The following MITF variants were observed in gnomAD, a reference collection of about 807,000 sequenced individuals.
The protein encoded by MITF is melanocyte inducing transcription factor.
In MITF, 17 loss-of-function variants were observed where a neutral mutation model predicts 60.5. That is an observed-to-expected ratio of 0.28 (90% CI 0.19 to 0.42). The LOEUF (loss-of-function observed/expected upper bound fraction) is 0.42. Ranked by LOEUF, MITF falls within the 10% of genes least tolerant of loss-of-function variation. The pLI, the probability that MITF is intolerant of heterozygous loss-of-function variation, is 1.00. For synonymous variants in MITF, 260 were observed against 248.5 expected, an observed-to-expected ratio of 1.05 and a Z score of -0.43; for missense variants, 622 against 683.5, an observed-to-expected ratio of 0.91 and a Z score of 1.00.
chr3:69,944,275 C>T (rs1318239177), intron 5 of MITF, among the ~76,000 whole-genome samples: 1 of 151,968 alleles, frequency 6.6e-6, no homozygotes, highest in Non-Finnish European at 1.5e-5. Context: ...GCTGTGGATG[C>T]GAAGGTGACT....
intron 1 of MITF, among the ~76,000 whole-genome samples, chr3:69,786,900 A>G (rs1402431744): frequency 2.0e-5 from 3 of 152,186 alleles, no homozygotes; most frequent in African/African-American, 7.2e-5. Context: ...TGCTTTGAGT[A>G]TCATGGTTGG....
chr3:69,797,357 A>G (rs974314980), intron 1 of MITF, among the ~76,000 whole-genome samples: 1 of 152,130 alleles, frequency 6.6e-6, no homozygotes, highest in East Asian at 1.9e-4. Flanking sequence ...ATGAAGACTT[A>G]TTATAGCATC....
chr3:69,817,799 G>A (rs1284075277), intron 1 of MITF, among the ~76,000 whole-genome samples: 1 of 152,126 alleles, frequency 6.6e-6, no homozygotes, highest in Non-Finnish European at 1.5e-5. Flanking sequence ...TAATGTACAA[G>A]TTGGTAATGG....
At chr3:69,831,897 G>A (rs1444262914) in intron 1 of MITF, among the ~76,000 whole-genome samples, 4 of 152,130 alleles carry the variant, frequency 2.6e-5, no homozygotes, top group African/African-American at 4.8e-5. Context: ...GTGGTGGAAC[G>A]GTGCCCGAGG....
chr3:69,954,680 T>G (rs1034821849), intron 7 of MITF, among the ~76,000 whole-genome samples: 1 of 152,208 alleles, frequency 6.6e-6, no homozygotes, highest in African/African-American at 2.4e-5. Flanking sequence ...TTCAGAGTTT[T>G]GGGGAAGGTT....
intron 1 of MITF, among the ~76,000 whole-genome samples, chr3:69,780,667 T>C (rs1026343853): frequency 3.3e-5 from 5 of 152,182 alleles, no homozygotes; most frequent in Admixed American, 1.3e-4. Context: ...CTCCGTTGGT[T>C]TCAGGACCTC....
intron 1 of MITF, among the ~76,000 whole-genome samples, chr3:69,796,494 C>CTTT (rs767834091): frequency 1.0e-3 from 82 of 80,294 alleles, no homozygotes; most frequent in East Asian, 1.4e-3. Context: ...CACCGTCTTT[C>CTTT]TTTTTTTTTT....
intron 1 of MITF, among the ~76,000 whole-genome samples, chr3:69,854,118 G>A (rs980447144): frequency 6.6e-6 from 1 of 152,048 alleles, no homozygotes. Flanking sequence ...AAAGTGCTGG[G>A]ATTACAGGCG....
chr3:69,940,402 G>A (rs996279213), intron 4 of MITF, among the ~76,000 whole-genome samples: 3 of 152,210 alleles, frequency 2.0e-5, no homozygotes, highest in African/African-American at 7.2e-5. Context: ...ATGAAGAAAT[G>A]TTTTCACAGG....
intron 1 of MITF, among the ~76,000 whole-genome samples, chr3:69,791,376 T>G (rs1482250390): frequency 6.6e-6 from 1 of 152,162 alleles, no homozygotes; most frequent in Non-Finnish European, 1.5e-5. Flanking sequence ...GGTGGTGGTT[T>G]GAGTGTCATA....
chr3:69,904,140 T>C lies in MITF; in HGVS notation c.354+24757T>C, dbSNP rs79250093. On this transcript the variant is annotated intron_variant, in intron 2 of 9. Coordinates refer to ENST00000352241, the MANE Select transcript of MITF (RefSeq NM_001354604.2). The stretch of plus-strand genomic sequence containing the variant: ...CATAATTTTTTTATTAATTATTGCC[T>C]CCCTTTGCACTCTCTGGGATTTCCA... Among the ~76,000 whole-genome samples the C allele has an allele frequency of 1.6e-3, 241 of 152,206 alleles. 3 individuals are homozygous for C. The East Asian group carries it at 0.027, about 17-fold the overall frequency.
intron 1 of MITF, among the ~76,000 whole-genome samples, chr3:69,752,837 T>C (rs1280141986): frequency 2.0e-5 from 3 of 151,986 alleles, no homozygotes; most frequent in African/African-American, 7.3e-5. Flanking sequence ...TCATTCTCTC[T>C]TGCTGCTGCT....
At chr3:69,895,832 GTGTGTGTGTGTGTGTGTA>G (rs2064863310) in intron 2 of MITF, among the ~76,000 whole-genome samples, 1 of 151,120 alleles carries the variant, frequency 6.6e-6, no homozygotes, top group Non-Finnish European at 1.5e-5. Context: ...GTGTGTGTGT[GTGTGTGTGTGTGTGTGTA>G]TGTGTGTGTT....
Position 69,893,650 on chromosome 3 carries a change from A to G in MITF, c.354+14267A>G, listed in dbSNP as rs927353656. Among the ~76,000 whole-genome samples, 2 of 152,230 alleles carry G rather than the reference A, an allele frequency of 1.3e-5. 1 individual carries two copies. On this transcript the variant is annotated intron_variant, in intron 2 of 9. Coordinates refer to ENST00000352241, the MANE Select transcript of MITF (RefSeq NM_001354604.2). ...TAGAAGGTTAATGCTTTGGTAAAAG[A>G]TTAGGAAAGTTGATTCTACCTATGA... is the stretch of plus-strand genomic sequence containing the variant.
intron 1 of MITF, among the ~76,000 whole-genome samples, chr3:69,793,581 C>T (rs2062780752): frequency 9.5e-6 from 1 of 105,342 alleles, no homozygotes; most frequent in Admixed American, 1.0e-4. Flanking sequence ...TGTCTCTAGT[C>T]ACTGCCAGAT....
chr3:69,823,355 T>C (rs900507495), intron 1 of MITF, among the ~76,000 whole-genome samples: 10 of 152,194 alleles, frequency 6.6e-5, no homozygotes, highest in African/African-American at 1.7e-4. Context: ...TTCTGAAGGC[T>C]AGGAAGTTCA....
intron 1 of MITF, among the ~76,000 whole-genome samples, chr3:69,792,611 T>C (rs1040143956): frequency 6.6e-6 from 1 of 152,198 alleles, no homozygotes; most frequent in Non-Finnish European, 1.5e-5. Context: ...GATATGTATC[T>C]AGAGAAATTT....
At chr3:69,941,038 C>T (rs933922438) in intron 4 of MITF, among the ~76,000 whole-genome samples, 198 bp from the exon 5 acceptor site, 2 of 152,192 alleles carry the variant, frequency 1.3e-5, no homozygotes, top group Admixed American at 1.3e-4. Flanking sequence ...GTATTATCCT[C>T]ATCACCTATT....
chr3:69,921,727 G>C (rs2065472073), intron 2 of MITF, among the ~76,000 whole-genome samples: 1 of 152,204 alleles, frequency 6.6e-6, no homozygotes, highest in Non-Finnish European at 1.5e-5. Context: ...AGATACCTGT[G>C]CCATTCCTGG....
Sources: allele counts gnomAD v4.1 joint callset (sites outside exome capture counted in the v4.1 genomes callset), GRCh38; gene constraint gnomAD v4.1.1; transcripts MANE v1.5; gene names NCBI Gene and HGNC (gene_info 2026-07-23, HGNC 2026-07-21).